The following ANGPT1 variants were observed in gnomAD, a reference collection of about 807,000 sequenced individuals.
ANGPT1 encodes the protein angiopoietin-1.
ANGPT1 carries 17 observed loss-of-function variants against 62.2 expected under a neutral mutation model. The observed-to-expected ratio is 0.27, with a 90% CI of 0.19 to 0.41. The LOEUF is 0.41. Among genes scored for constraint, ANGPT1 ranks in the 10% least tolerant of loss-of-function variants. The probability of loss-of-function intolerance (pLI) is 1.00; values close to 1 mark genes in which losing one functional copy is unlikely to be tolerated. For missense variants in ANGPT1, 478 were observed against 594.9 expected (o/e 0.80, Z 2.04); for synonymous variants, 199 against 198.9 (o/e 1.00, Z 0.00).
At chr8:107,370,074 G>C (rs916799637) in intron 1 of ANGPT1, among the ~76,000 whole-genome samples, 4 of 150,714 alleles carry the variant, frequency 2.7e-5, no homozygotes, top group Non-Finnish European at 5.9e-5. Context: ...GAAAGTCAAG[G>C]CTCAGAGAGC....
At chr8:107,339,618 C>T (rs187498810) in intron 2 of ANGPT1, among the ~76,000 whole-genome samples, 60 of 152,230 alleles carry the variant, frequency 3.9e-4, no homozygotes, top group African/African-American at 1.4e-3. Context: ...ACTATCATAT[C>T]TATTCACTCA....
intron 1 of ANGPT1, among the ~76,000 whole-genome samples, chr8:107,450,160 C>A (rs1015472348): frequency 6.6e-6 from 1 of 151,972 alleles, no homozygotes; most frequent in African/African-American, 2.4e-5. Context: ...TTGGAGGAAC[C>A]ATATGGGACA....
intron 4 of ANGPT1, among the ~76,000 whole-genome samples, chr8:107,308,708 A>G (rs1391104269): frequency 6.6e-6 from 1 of 152,188 alleles, no homozygotes; most frequent in Non-Finnish European, 1.5e-5. Context: ...AAATCTAGAA[A>G]GTCCTAGGAA....
At chr8:107,374,722 G>A (rs1029983509) in intron 1 of ANGPT1, among the ~76,000 whole-genome samples, 4 of 152,190 alleles carry the variant, frequency 2.6e-5, no homozygotes, top group African/African-American at 7.2e-5. Flanking sequence ...CATGGCTATT[G>A]GCCAAAGAAT....
intron 1 of ANGPT1, among the ~76,000 whole-genome samples, chr8:107,373,478 G>T (rs1475580537): frequency 5.3e-5 from 8 of 152,130 alleles, no homozygotes; most frequent in African/African-American, 1.9e-4. Flanking sequence ...AGTGCTGTTG[G>T]GTTTGAGTAT....
chr8:107,291,840 C>A (rs1814283700), intron 6 of ANGPT1, among the ~76,000 whole-genome samples: 1 of 141,840 alleles, frequency 7.1e-6, no homozygotes, highest in Non-Finnish European at 1.5e-5. Context: ...CATTCCAATT[C>A]TCCATACCAA....
intron 7 of ANGPT1, among the ~76,000 whole-genome samples, chr8:107,266,302 C>T (rs1311791702): frequency 1.3e-5 from 2 of 152,170 alleles, no homozygotes; most frequent in Non-Finnish European, 2.9e-5. Flanking sequence ...AATTCAATCA[C>T]TTCTTTGGAG....
chr8:107,279,779 G>GA (rs1813956708), intron 7 of ANGPT1, among the ~76,000 whole-genome samples: 1 of 150,610 alleles, frequency 6.6e-6, no homozygotes, highest in South Asian at 2.1e-4. Flanking sequence ...GAAGGGGGGG[G>GA]GAGAGAGAGA....
intron 1 of ANGPT1, among the ~76,000 whole-genome samples, chr8:107,363,763 AAAT>A (rs941789572): frequency 2.0e-5 from 3 of 152,178 alleles, no homozygotes; most frequent in Non-Finnish European, 2.9e-5. Flanking sequence ...ACAGTAAAAA[AAAT>A]AATAATAATA....
At chr8:107,378,457 C>G (rs1242972178) in intron 1 of ANGPT1, among the ~76,000 whole-genome samples, 1 of 152,168 alleles carries the variant, frequency 6.6e-6, no homozygotes, top group Non-Finnish European at 1.5e-5. Context: ...TACCTAAATA[C>G]AGTTGTATAT....
intron 4 of ANGPT1, among the ~76,000 whole-genome samples, chr8:107,306,024 T>C (rs1480300981): frequency 6.6e-6 from 1 of 152,034 alleles, no homozygotes; most frequent in Admixed American, 6.6e-5. Flanking sequence ...GAGGTAGTTA[T>C]AAATACCTCT....
intron 7 of ANGPT1, among the ~76,000 whole-genome samples, chr8:107,271,187 T>C (rs1000532915): frequency 3.9e-5 from 6 of 152,066 alleles, no homozygotes; most frequent in African/African-American, 1.4e-4. Context: ...GTTTGTAGTG[T>C]ACCTGTTTGG....
chr8:107,471,826 C>A (rs574771705), intron 1 of ANGPT1, among the ~76,000 whole-genome samples: 3 of 152,178 alleles, frequency 2.0e-5, no homozygotes, highest in Admixed American at 2.0e-4. Flanking sequence ...CCATTGCATA[C>A]CACAACCATA....
At position 107,322,030 on chromosome 8, in the gene ANGPT1, C is replaced by T. The variant is rs568159633; in HGVS notation, c.674G>A (p.Arg225His). The T allele has an allele frequency of 6.2e-5, 100 of 1,613,890 alleles. No homozygotes were observed. Among genetic ancestry groups the T allele is most frequent in the Admixed American group, 1.8e-4 (11 of 59,994 alleles). Reference protein sequence around the residue: ...EKENLQGLVTRQTYIIQELEK... With the variant: ...EKENLQGLVTHQTYIIQELEK... ...CAGCTCCTGGATTATATATGTTTGA[C>T]GAGTAACCAAGCCTTGAAGGTTCTC... Residue 225 changes from arginine to histidine, a missense_variant, in exon 4 of 9, where the codon CGT (arginine) becomes CAT (histidine). Coordinates refer to ENST00000517746, the MANE Select transcript of ANGPT1 (RefSeq NM_001146.5).
intron 1 of ANGPT1, among the ~76,000 whole-genome samples, chr8:107,465,659 G>A (rs975288275): frequency 9.2e-5 from 14 of 152,240 alleles, no homozygotes; most frequent in Non-Finnish European, 7.4e-5. Flanking sequence ...TCGTTTTCAA[G>A]TAAATGCAAA....
chr8:107,350,062 A>C (rs1815900138), intron 1 of ANGPT1, among the ~76,000 whole-genome samples: 1 of 152,152 alleles, frequency 6.6e-6, no homozygotes, highest in Non-Finnish European at 1.5e-5. Context: ...GTCACTAAGC[A>C]CACTGTTTAG....
At chr8:107,308,026 T>C (rs1814761582) in intron 4 of ANGPT1, among the ~76,000 whole-genome samples, 1 of 152,194 alleles carries the variant, frequency 6.6e-6, no homozygotes, top group Non-Finnish European at 1.5e-5. Flanking sequence ...AATTAGAGTA[T>C]GGCTTTTCCA....
At chr8:107,394,456 T>C (rs1487291836) in intron 1 of ANGPT1, among the ~76,000 whole-genome samples, 2 of 152,102 alleles carry the variant, frequency 1.3e-5, no homozygotes, top group African/African-American at 2.4e-5. Context: ...TCTATTGAAA[T>C]AGCCCTGATG....
At chr8:107,409,936 TG>T (rs1817228751) in intron 1 of ANGPT1, among the ~76,000 whole-genome samples, 5 of 130,116 alleles carry the variant, frequency 3.8e-5, no homozygotes, top group Admixed American at 2.5e-4. Flanking sequence ...ATATATGTGA[TG>T]AATCCATCCA....
Sources: gnomAD v4.1 joint callset for allele counts (sites outside exome capture counted in the v4.1 genomes callset) on GRCh38, gnomAD v4.1.1 for gene constraint, MANE v1.5 for transcripts, NCBI Gene and HGNC (gene_info 2026-07-23, HGNC 2026-07-21) for gene names.